The following TIGAR variants were observed in gnomAD, a reference collection of about 807,000 sequenced individuals.
TIGAR encodes the protein TP53 induced glycolysis regulatory phosphatase.
TIGAR carries 7 observed loss-of-function variants against 17.9 expected under a neutral mutation model. The ratio of observed to expected loss-of-function variants is 0.39; its 90% confidence interval spans 0.22 to 0.73. The LOEUF (loss-of-function observed/expected upper bound fraction) is 0.73, where lower values mean the gene tolerates loss of function less well. TIGAR is among the 30% of genes least tolerant of loss of function. The probability of loss-of-function intolerance (pLI) is 0.42; values close to 1 mark genes in which losing one functional copy is unlikely to be tolerated. For missense variants in TIGAR, 258 were observed against 327.4 expected (o/e 0.79, Z 1.64); for synonymous variants, 94 against 108.6 (o/e 0.87, Z 0.84).
chr12:4,351,200 T>C (rs1864834306), intron 4 of TIGAR, 67 bp from the exon 5 acceptor site: 1 of 1,467,264 alleles, frequency 6.8e-7, no homozygotes, highest in African/African-American at 1.4e-5. Flanking sequence ...AAATTTGCCA[T>C]AAACATAAAC....
At chr12:4,322,976 T>G (rs528955269) in intron 1 of TIGAR, among the ~76,000 whole-genome samples, 4 of 152,138 alleles carry the variant, frequency 2.6e-5, no homozygotes, top group African/African-American at 9.6e-5. Context: ...TATTTATAAT[T>G]GAAACTCAGA....
At chr12:4,330,436 A>G (rs896477102) in intron 1 of TIGAR, among the ~76,000 whole-genome samples, 2 of 152,194 alleles carry the variant, frequency 1.3e-5, no homozygotes, top group Non-Finnish European at 2.9e-5. Flanking sequence ...TGCATACCTT[A>G]TGGCCCAGCA....
At chr12:4,351,964 T>A (rs1444281113) in intron 5 of TIGAR, among the ~76,000 whole-genome samples, 7 of 152,246 alleles carry the variant, frequency 4.6e-5, no homozygotes, top group Non-Finnish European at 8.8e-5. Context: ...TGAGTTTCTG[T>A]TGGCTTGTAG....
rs1591667528 is a variant in TIGAR, at chr12:4,354,897, T to C, written c.*2206T>C. 6.3e-5 allele frequency among the ~76,000 whole-genome samples: 3 copies of C among 47,794 alleles called. No homozygotes were observed. Among genetic ancestry groups the C allele is most frequent in the African/African-American group, 1.0e-4 (1 of 9,728 alleles). The allele number at this position is 47,794 out of a possible 152,430, so 31.4% of individuals were successfully genotyped here. A position where few individuals can be genotyped will look rare whatever the true frequency, so the allele number is the denominator to read the frequency against. ...CAGGCATGCACCACCACGCCTGGCC[T>C]TTTTTTTTTTTTTAGTAGAGACGGG... On this transcript the variant is annotated 3_prime_UTR_variant, in exon 6 of 6. Coordinates refer to ENST00000179259, the MANE Select transcript of TIGAR (RefSeq NM_020375.3).
chr12:4,345,388 A>G (rs1325964626), intron 3 of TIGAR, among the ~76,000 whole-genome samples: 2 of 152,236 alleles, frequency 1.3e-5, no homozygotes, highest in Non-Finnish European at 2.9e-5. Context: ...CCAAAACAGC[A>G]TGGTACTGGT....
At chr12:4,329,012 T>C (rs1382724341) in intron 1 of TIGAR, among the ~76,000 whole-genome samples, 1 of 152,240 alleles carries the variant, frequency 6.6e-6, no homozygotes, top group Non-Finnish European at 1.5e-5. Flanking sequence ...ATTAGTTTCA[T>C]GTTTATCCTT....
chr12:4,343,179 GCTAA>G lies in TIGAR; in HGVS notation c.192+6023_192+6026del, dbSNP rs570060981. 1.6e-3 allele frequency among the ~76,000 whole-genome samples: 238 copies of G among 152,320 alleles called. 1 individual carries two copies. Among genetic ancestry groups the G allele is most frequent in the African/African-American group, 5.2e-3 (217 of 41,564 alleles). On this transcript the variant is annotated intron_variant, in intron 3 of 5. Transcript: ENST00000179259. ...TAAAGGGATCAATTCAACAAGAAGT[GCTAA>G]CTATCTTAAATATATATGCACCCAA...
chr12:4,328,438 C>T (rs938659161), intron 1 of TIGAR, among the ~76,000 whole-genome samples: 1 of 151,102 alleles, frequency 6.6e-6, no homozygotes, highest in African/African-American at 2.4e-5. Context: ...GTGATCTGCC[C>T]TCCTTGGCCT....
At chr12:4,350,140 A>G (rs1414984490) in intron 4 of TIGAR, among the ~76,000 whole-genome samples, 2 of 152,262 alleles carry the variant, frequency 1.3e-5, no homozygotes, top group Admixed American at 1.3e-4. Flanking sequence ...TTAACACAGT[A>G]TAGAAGAGTT....
In TIGAR at chr12:4,357,910, T is replaced by C. The variant is rs143847133; in HGVS notation, c.*5219T>C. On this transcript the variant is annotated 3_prime_UTR_variant, in exon 6 of 6. Coordinates refer to ENST00000179259, the MANE Select transcript of TIGAR (RefSeq NM_020375.3). ...CGAGGTCAGGAGATAGAGACCATCC[T>C]GGCTAACACAGTGAAACCTCGTCTC... 1.9e-3 allele frequency among the ~76,000 whole-genome samples: 290 copies of C among 151,098 alleles called. 2 individuals carry two copies. The highest frequency in any genetic ancestry group is 6.6e-3 in the African/African-American group (272 of 41,078).
intron 3 of TIGAR, among the ~76,000 whole-genome samples, chr12:4,338,977 C>CAAAAAAA (rs1192832105): frequency 9.9e-6 from 1 of 100,580 alleles, no homozygotes; most frequent in Non-Finnish European, 1.9e-5. Flanking sequence ...CTTTGTCTCA[C>CAAAAAAA]AAAAAAAAAA....
At chr12:4,349,731 T>C in intron 3 of TIGAR, 88 bp from the exon 4 acceptor site, 2 of 1,131,924 alleles carry the variant, frequency 1.8e-6, no homozygotes, top group Non-Finnish European at 2.5e-6. Flanking sequence ...TTCTTTTTTA[T>C]TCACTAAGAT....
intron 2 of TIGAR, among the ~76,000 whole-genome samples, chr12:4,333,467 T>A (rs1466828009): frequency 6.6e-6 from 1 of 151,530 alleles, no homozygotes; most frequent in Non-Finnish European, 1.5e-5. Context: ...TTTTTTAAAT[T>A]TTTATTTATT....
intron 1 of TIGAR, among the ~76,000 whole-genome samples, chr12:4,331,019 TC>T (rs1053002893): frequency 3.7e-4 from 56 of 152,366 alleles, no homozygotes; most frequent in African/African-American, 1.2e-3. Context: ...AGTAGGATTT[TC>T]CACCTGCAAT....
At chr12:4,335,888 A>G (rs1490051442) in intron 2 of TIGAR, among the ~76,000 whole-genome samples, 1 of 152,238 alleles carries the variant, frequency 6.6e-6, no homozygotes, top group African/African-American at 2.4e-5. Context: ...GGGGCCCTCC[A>G]GCCCCCAGCA....
chr12:4,333,724 A>C (rs12819556), intron 2 of TIGAR, among the ~76,000 whole-genome samples: 32,180 of 152,042 alleles, frequency 0.21, 3,950 homozygotes, highest in Admixed American at 0.27. Flanking sequence ...TCGGCCTCCC[A>C]AAGTGCTGGG....
At chr12:4,349,193 C>G (rs193064415) in intron 3 of TIGAR, among the ~76,000 whole-genome samples, 2 of 152,242 alleles carry the variant, frequency 1.3e-5, no homozygotes, top group African/African-American at 2.4e-5. Context: ...CTGTTCAAGT[C>G]TGCGGTAATA....
chr12:4,339,735 T>C (rs1371868661), intron 3 of TIGAR, among the ~76,000 whole-genome samples: 1 of 152,170 alleles, frequency 6.6e-6, no homozygotes, highest in Non-Finnish European at 1.5e-5. Context: ...TGCAAGGATG[T>C]TTCAACATAA....
At position 4,357,605 on chromosome 12, in the gene TIGAR, G is replaced by C. The variant is rs544033412; in HGVS notation, c.*4914G>C. On this transcript the variant is annotated 3_prime_UTR_variant, in exon 6 of 6. Transcript: ENST00000179259. ...TCCAAACAAGATGGCTAAGTAGGTC[G>C]TCATGACAGGTAACTACCAGTGCTT... Among the ~76,000 whole-genome samples, 1 of 152,128 alleles carries C rather than the reference G, an allele frequency of 6.6e-6. No homozygotes were observed. The highest frequency in any genetic ancestry group is 2.4e-5 in the African/African-American group (1 of 41,420).
Sources: gnomAD v4.1 joint callset for allele counts (sites outside exome capture counted in the v4.1 genomes callset) on GRCh38, gnomAD v4.1.1 for gene constraint, MANE v1.5 for transcripts, NCBI Gene and HGNC (gene_info 2026-07-23, HGNC 2026-07-21) for gene names.